PRKG1: variants seen among roughly 807,000 people sequenced by gnomAD.
PRKG1 encodes protein kinase cGMP-dependent 1, also known as cGMP-dependent protein kinase 1.
A neutral mutation model predicts 88.1 loss-of-function variants in PRKG1; 35 were observed. The ratio of observed to expected loss-of-function variants is 0.40; its 90% confidence interval spans 0.30 to 0.53. The LOEUF is 0.53. Among genes scored for constraint, PRKG1 ranks in the 20% least tolerant of loss-of-function variants. The probability of loss-of-function intolerance (pLI) is 0.59; values close to 1 mark genes in which losing one functional copy is unlikely to be tolerated. For synonymous variants in PRKG1, 303 were observed against 292.5 expected (o/e 1.04, Z -0.37); for missense variants, 540 against 839.8 (o/e 0.64, Z 4.41).
intron 2 of PRKG1, among the ~76,000 whole-genome samples, chr10:51,365,839 A>G (rs929702400): frequency 6.6e-6 from 1 of 151,868 alleles, no homozygotes; most frequent in African/African-American, 2.4e-5. Flanking sequence ...AATAGAATAA[A>G]CTTATCCCCA....
intron 2 of PRKG1, among the ~76,000 whole-genome samples, chr10:51,347,360 G>C (rs917895638): frequency 1.3e-5 from 2 of 152,112 alleles, no homozygotes; most frequent in Non-Finnish European, 2.9e-5. Flanking sequence ...AAGATGGAAG[G>C]CATTAGGTAT....
chr10:51,176,242 A>C (rs1837187987), intron 2 of PRKG1, among the ~76,000 whole-genome samples: 1 of 152,128 alleles, frequency 6.6e-6, no homozygotes, highest in African/African-American at 2.4e-5. Flanking sequence ...ACTAATGAAA[A>C]ATAGAGGTTC....
intron 1 of PRKG1, among the ~76,000 whole-genome samples, chr10:51,027,700 T>C (rs1391962589): frequency 6.6e-6 from 1 of 152,280 alleles, no homozygotes; most frequent in East Asian, 1.9e-4. Flanking sequence ...TTCTCAAGGT[T>C]ACTCTCAGAT....
chr10:51,840,330 A>C (rs1840239747), intron 4 of PRKG1, among the ~76,000 whole-genome samples: 1 of 151,930 alleles, frequency 6.6e-6, no homozygotes, highest in Non-Finnish European at 1.5e-5. Context: ...TCATTTTTTA[A>C]AAGATTTGTT....
At chr10:51,621,579 A>G (rs1483020037) in intron 3 of PRKG1, among the ~76,000 whole-genome samples, 1 of 152,138 alleles carries the variant, frequency 6.6e-6, no homozygotes, top group African/African-American at 2.4e-5. Flanking sequence ...TGCCAAGTTT[A>G]TTATTCCTTC....
At chr10:51,487,102 A>G (rs1293754490) in intron 3 of PRKG1, among the ~76,000 whole-genome samples, 1 of 152,174 alleles carries the variant, frequency 6.6e-6, no homozygotes, top group African/African-American at 2.4e-5. Context: ...CAAAGTGTAG[A>G]GTTAAAAGTA....
Position 51,162,703 on chromosome 10 carries a change from C to A in PRKG1, c.478+9373C>A, listed in dbSNP as rs575467691. On this transcript the variant is annotated intron_variant, in intron 2 of 17. Transcript: ENST00000373980. ...TCATAAGAATATATAGGAGGAGATG[C>A]TTTTATTTTATTTTAAATGTTATTT... Among the ~76,000 whole-genome samples the A allele has an allele frequency of 2.0e-5, 3 of 152,068 alleles. No individual in the cohort carries two copies. In the East Asian group the frequency reaches 5.8e-4, roughly 29 times the overall value.
In PRKG1 at chr10:51,786,606, A is replaced by G. The variant is rs570517426; in HGVS notation, c.593-17979A>G. On this transcript the variant is annotated intron_variant, in intron 3 of 17. Coordinates refer to ENST00000373980, the MANE Select transcript of PRKG1 (RefSeq NM_006258.4). ...ACGTCAGTTGAGCCTGGCACTCACC[A>G]CACTATATTGATATTGCTTTCTTTA... Among the ~76,000 whole-genome samples the G allele has an allele frequency of 4.6e-5, 7 of 152,206 alleles. No homozygotes were observed. In the South Asian group the frequency reaches 1.5e-3, roughly 32 times the overall value.
chr10:52,064,364 C>G (rs867609062), intron 7 of PRKG1, among the ~76,000 whole-genome samples: 2 of 152,196 alleles, frequency 1.3e-5, no homozygotes, highest in Non-Finnish European at 2.9e-5. Context: ...AGAATAGGAG[C>G]CAAAAACAGA....
In PRKG1 at chr10:51,348,981, C is replaced by T. The variant is rs140482052; in HGVS notation, c.479-118742C>T. Among the ~76,000 whole-genome samples the T allele has an allele frequency of 3.8e-3, 585 of 152,196 alleles. 3 individuals carry two copies. The highest frequency in any genetic ancestry group is 6.7e-3 in the Non-Finnish European group (455 of 68,002). ...GGAAGATATAAAATAGCTCACTTGG[C>T]GGCATTCATACTTGAGACGATAGTG... On this transcript the variant is annotated intron_variant, in intron 2 of 17. Transcript: ENST00000373980.
At chr10:51,943,522 G>A (rs866706839) in intron 5 of PRKG1, among the ~76,000 whole-genome samples, 4 of 152,008 alleles carry the variant, frequency 2.6e-5, no homozygotes, top group African/African-American at 4.8e-5. Flanking sequence ...GGGCATCCCT[G>A]TCTTATGCCA....
intron 5 of PRKG1, among the ~76,000 whole-genome samples, chr10:52,018,423 T>A (rs1238720833): frequency 6.6e-6 from 1 of 152,210 alleles, no homozygotes; most frequent in East Asian, 1.9e-4. Flanking sequence ...AGATACAAAT[T>A]AGTTTCCTGT....
intron 2 of PRKG1, among the ~76,000 whole-genome samples, chr10:51,264,325 C>T (rs1251425303): frequency 2.6e-5 from 4 of 152,104 alleles, no homozygotes; most frequent in Non-Finnish European, 4.4e-5. Flanking sequence ...ACAAAATTCT[C>T]GAATTGTTGA....
In PRKG1 at chr10:52,107,429, T is replaced by C. The variant is rs1168436410; in HGVS notation, c.936-26411T>C. ...AATTTAAATATTATAAATTCTTAAA[T>C]GAGATCGAGCATCTAAGGAATGACA... On this transcript the variant is annotated intron_variant, in intron 7 of 17. Transcript: ENST00000373980. 2.6e-5 allele frequency among the ~76,000 whole-genome samples: 4 copies of C among 152,238 alleles called. No individual in the cohort carries two copies. In the East Asian group the frequency reaches 7.7e-4, roughly 29 times the overall value.
chr10:51,788,150 C>T (rs1838775600), intron 3 of PRKG1, among the ~76,000 whole-genome samples: 1 of 152,060 alleles, frequency 6.6e-6, no homozygotes, highest in Admixed American at 6.6e-5. Context: ...GATTTTTTTC[C>T]TATGGAAGAT....
intron 5 of PRKG1, among the ~76,000 whole-genome samples, chr10:52,031,113 C>T (rs61849870): frequency 0.052 from 7,828 of 151,946 alleles, 306 homozygotes; most frequent in Non-Finnish European, 0.079. Context: ...CACACAGAAC[C>T]AGGTTGTGAA....
chr10:51,016,668 C>CTTTTTTTTTTTTTTTTT (rs1287045930), intron 1 of PRKG1, among the ~76,000 whole-genome samples: 3 of 26,296 alleles, frequency 1.1e-4, no homozygotes, highest in Non-Finnish European at 2.2e-4. Context: ...GTATTATTAT[C>CTTTTTTTTTTTTTTTTT]CTTTCTTTTT....
rs560312958 is a variant in PRKG1 at position 51,805,143 on chromosome 10, G to T, written c.698+453G>T. On this transcript the variant is annotated intron_variant, in intron 4 of 17. Transcript: ENST00000373980. ...CTCTTGTGTGAGTTTCCATATGAAA[G>T]GTCAGATGACTAAGATGAAAAAGTT... is the stretch of plus-strand genomic sequence containing the variant. Among the ~76,000 whole-genome samples, 4 of 152,114 alleles carry T rather than the reference G, an allele frequency of 2.6e-5. No individual in the cohort carries two copies. In the South Asian group the frequency reaches 8.3e-4, roughly 32 times the overall value.
intron 4 of PRKG1, among the ~76,000 whole-genome samples, chr10:51,865,068 A>G (rs577757002): frequency 6.6e-6 from 1 of 152,252 alleles, no homozygotes; most frequent in African/African-American, 2.4e-5. Flanking sequence ...GAATTATAGG[A>G]GGATTTCACA....
Sources: gnomAD v4.1 joint callset for allele counts (sites outside exome capture counted in the v4.1 genomes callset) on GRCh38, gnomAD v4.1.1 for gene constraint, MANE v1.5 for transcripts, NCBI Gene and HGNC (gene_info 2026-07-23, HGNC 2026-07-21) for gene names.